The following PRKN variants were observed in gnomAD, a reference collection of about 807,000 sequenced individuals.
PRKN encodes E3 ubiquitin-protein ligase parkin.
Under a neutral mutation model 59.5 loss-of-function variants are expected in PRKN, and 56 were observed. The ratio of observed to expected loss-of-function variants is 0.94; its 90% CI spans 0.76 to 1.18. The LOEUF (loss-of-function observed/expected upper bound fraction) is 1.18. Among genes scored for constraint, PRKN ranks in the 50% most tolerant of loss-of-function variants. PRKN has a pLI of 0.00. For synonymous variants in PRKN, 250 were observed against 222.1 expected, an observed-to-expected ratio of 1.13 and a Z score of -1.12; for missense variants, 657 against 596.4, an observed-to-expected ratio of 1.10 and a Z score of -1.06.
At chr6:162,549,046 C>T (rs1779230877) in intron 1 of PRKN, among the ~76,000 whole-genome samples, 1 of 151,936 alleles carries the variant, frequency 6.6e-6, no homozygotes, top group African/African-American at 2.4e-5. Flanking sequence ...GAAATCCTGC[C>T]CCCCCAAGAT....
chr6:162,655,700 G>C (rs549364754), intron 1 of PRKN, among the ~76,000 whole-genome samples: 3 of 152,142 alleles, frequency 2.0e-5, no homozygotes, highest in African/African-American at 7.2e-5. Context: ...CTGTGAGATA[G>C]ATATACAGAA....
intron 2 of PRKN, among the ~76,000 whole-genome samples, chr6:162,432,519 C>T (rs1233562538): frequency 2.7e-5 from 4 of 148,792 alleles, no homozygotes; most frequent in East Asian, 3.9e-4. Flanking sequence ...AGCGAGACAC[C>T]GTCTAAAACA....
intron 7 of PRKN, among the ~76,000 whole-genome samples, chr6:161,608,855 T>G (rs1356636087): frequency 6.6e-6 from 1 of 152,158 alleles, no homozygotes; most frequent in African/African-American, 2.4e-5. Flanking sequence ...TTTTTTATCC[T>G]AAGATTCATC....
At chr6:162,575,226 G>T (rs138862729) in intron 1 of PRKN, among the ~76,000 whole-genome samples, 1 of 152,188 alleles carries the variant, frequency 6.6e-6, no homozygotes, top group Non-Finnish European at 1.5e-5. Flanking sequence ...TGGAGAAAGC[G>T]ATGTCTTCTG....
chr6:162,090,527 T>C (rs1005577137), intron 4 of PRKN, among the ~76,000 whole-genome samples: 3 of 152,200 alleles, frequency 2.0e-5, no homozygotes, highest in South Asian at 2.1e-4. Context: ...TTGAACTAAA[T>C]ACAGAGAAGC....
At chr6:161,541,737 T>C (rs1360183414) in intron 9 of PRKN, among the ~76,000 whole-genome samples, 1 of 151,982 alleles carries the variant, frequency 6.6e-6, no homozygotes, top group Admixed American at 6.6e-5. Flanking sequence ...AGGAGAATCG[T>C]TTGAACCTTG....
intron 8 of PRKN, among the ~76,000 whole-genome samples, chr6:161,565,759 C>T (rs946899010): frequency 5.9e-5 from 9 of 152,206 alleles, no homozygotes; most frequent in Admixed American, 5.9e-4. Flanking sequence ...CATCTCCTTT[C>T]CCTCTAAAAC....
intron 7 of PRKN, among the ~76,000 whole-genome samples, chr6:161,695,059 T>C (rs2128176985): frequency 6.6e-6 from 1 of 152,198 alleles, no homozygotes; most frequent in African/African-American, 2.4e-5. Context: ...CCCTGTGTAG[T>C]CACAGGCTAC....
chr6:162,558,352 G>A (rs760794611), intron 1 of PRKN, among the ~76,000 whole-genome samples: 17 of 128,870 alleles, frequency 1.3e-4, no homozygotes, highest in South Asian at 2.7e-4. Flanking sequence ...TTTCTGAGAC[G>A]GAGTTTCGCT....
At chr6:162,670,575 T>A (rs970016144) in intron 1 of PRKN, among the ~76,000 whole-genome samples, 5 of 152,162 alleles carry the variant, frequency 3.3e-5, no homozygotes, top group African/African-American at 1.2e-4. Flanking sequence ...GGACAAATAC[T>A]TCAGCAAAGC....
At chr6:161,598,735 A>G (rs1309283910) in intron 7 of PRKN, among the ~76,000 whole-genome samples, 1 of 152,228 alleles carries the variant, frequency 6.6e-6, no homozygotes, top group African/African-American at 2.4e-5. Flanking sequence ...TGTACAGCAG[A>G]TAGATTAGTA....
At chr6:161,834,557 A>G (rs1792659484) in intron 6 of PRKN, among the ~76,000 whole-genome samples, 1 of 152,240 alleles carries the variant, frequency 6.6e-6, no homozygotes, top group African/African-American at 2.4e-5. Flanking sequence ...AAGATACTTT[A>G]TAATTATTCT....
intron 3 of PRKN, among the ~76,000 whole-genome samples, chr6:162,235,844 AGGAGGGAG>A (rs1778634382): frequency 6.7e-6 from 1 of 149,230 alleles, no homozygotes; most frequent in Admixed American, 6.7e-5. Flanking sequence ...GAGGGAGGAA[AGGAGGGAG>A]GAAAGAAAGA....
At chr6:162,678,647 T>G (rs28868638) in intron 1 of PRKN, among the ~76,000 whole-genome samples, 27,711 of 152,250 alleles carry the variant, frequency 0.18, 3,147 homozygotes, top group East Asian at 0.48. Context: ...TTGGGTTGTT[T>G]TAGTATTTAT....
intron 5 of PRKN, among the ~76,000 whole-genome samples, chr6:162,006,770 T>C (rs1160362456): frequency 6.6e-6 from 1 of 152,186 alleles, no homozygotes; most frequent in African/African-American, 2.4e-5. Flanking sequence ...TCTTATTGTT[T>C]GCATGATGAC....
At chr6:162,595,646 TA>T (rs2128215366) in intron 1 of PRKN, among the ~76,000 whole-genome samples, 1 of 152,282 alleles carries the variant, frequency 6.6e-6, no homozygotes, top group African/African-American at 2.4e-5. Flanking sequence ...TGAATAATTT[TA>T]GTGTTATTTT....
intron 2 of PRKN, among the ~76,000 whole-genome samples, chr6:162,386,017 G>T (rs1019579260): frequency 3.3e-5 from 5 of 151,890 alleles, no homozygotes; most frequent in Non-Finnish European, 7.4e-5. Flanking sequence ...TGACTAACCC[G>T]CCAATTGTAT....
At chr6:161,713,831 T>C (rs1486938069) in intron 7 of PRKN, among the ~76,000 whole-genome samples, 1 of 151,972 alleles carries the variant, frequency 6.6e-6, no homozygotes, top group Non-Finnish European at 1.5e-5. Context: ...TGGCGGGAGG[T>C]AATTGAATCA....
rs548263860 is a variant in PRKN, at chr6:161,526,895, G to A, written c.1083+21959C>T. 2.0e-5 allele frequency among the ~76,000 whole-genome samples: 3 copies of A among 152,268 alleles called. No individual in the cohort carries two copies. The highest frequency in any genetic ancestry group is 7.2e-5 in the African/African-American group (3 of 41,542). On this transcript the variant is annotated intron_variant, in intron 9 of 11. Coordinates refer to ENST00000366898, the MANE Select transcript of PRKN (RefSeq NM_004562.3). The surrounding 1 kb of genome is among the most constrained non-coding windows in gnomAD (Gnocchi z 4.1). The stretch of plus-strand genomic sequence containing the variant: ...ATTGGAGTTTATATAGAATCCCTGG[G>A]CTACAGAAAGGAATAGAGGTTTGGG...
Sources: gnomAD v4.1 joint callset for allele counts (sites outside exome capture counted in the v4.1 genomes callset) on GRCh38, gnomAD v4.1.1 for gene constraint, Gnocchi (gnomAD v3.1) non-coding constraint, MANE v1.5 for transcripts, NCBI Gene and HGNC (gene_info 2026-07-23, HGNC 2026-07-21) for gene names.